KCNQ3: variants seen among roughly 807,000 people sequenced by gnomAD.
The protein encoded by KCNQ3 is potassium voltage-gated channel subfamily Q member 3, also known as potassium voltage-gated channel subfamily KQT member 3.
In KCNQ3, 30 loss-of-function variants were observed where a neutral mutation model predicts 92.5. The observed-to-expected ratio is 0.32, with a 90% confidence interval of 0.24 to 0.44. The LOEUF is 0.44. KCNQ3 is among the 20% of genes least tolerant of loss of function. KCNQ3 has a pLI of 1.00. For missense variants in KCNQ3, 913 were observed against 1,140.3 expected (o/e 0.80, Z 2.87); for synonymous variants, 450 against 468.8 (o/e 0.96, Z 0.52).
In KCNQ3 at chr8:132,405,077, G is replaced by T. The variant is rs142826511; in HGVS notation, c.386+75070C>A. On this transcript the variant is annotated intron_variant, in intron 1 of 14. Coordinates refer to ENST00000388996, the MANE Select transcript of KCNQ3 (RefSeq NM_004519.4). The stretch of plus-strand genomic sequence containing the variant: ...TCTGGGCAAAGTGTGAGGGGGTGCA[G>T]GAAGGGGTGAAAGCACAACAGCAGC... Among the ~76,000 whole-genome samples the T allele has an allele frequency of 9.7e-4, 147 of 152,316 alleles. 1 individual carries two copies. Among genetic ancestry groups the T allele is most frequent in the African/African-American group, 3.4e-3 (140 of 41,568 alleles).
intron 1 of KCNQ3, among the ~76,000 whole-genome samples, chr8:132,477,669 T>A (rs1822446432): frequency 1.3e-5 from 2 of 152,208 alleles, no homozygotes; most frequent in Non-Finnish European, 2.9e-5. Context: ...CCACCCCAGT[T>A]CATCCTCAAT....
chr8:132,262,006 G>A (rs996167789), intron 1 of KCNQ3, among the ~76,000 whole-genome samples: 2 of 152,170 alleles, frequency 1.3e-5, no homozygotes, highest in Non-Finnish European at 2.9e-5. Context: ...ATGTCCATAT[G>A]ATGAATTCTT....
intron 1 of KCNQ3, among the ~76,000 whole-genome samples, chr8:132,216,473 TGTCTTTGG>T (rs1200024782): frequency 3.3e-5 from 5 of 152,170 alleles, no homozygotes; most frequent in Non-Finnish European, 5.9e-5. Context: ...TCCCCAGCCC[TGTCTTTGG>T]GCAGAATGGA....
In KCNQ3 at chr8:132,309,934, T is replaced by C. The variant is rs77300278; in HGVS notation, c.387-123753A>G. Among the ~76,000 whole-genome samples, 8 of 152,330 alleles carry C rather than the reference T, an allele frequency of 5.3e-5. No individual in the cohort carries two copies. The South Asian group carries it at 1.7e-3, about 32-fold the overall frequency. ...CATCTTTGCTTTGTTTAGGCATGAC[T>C]TGTACTATTAATTACTTTAGGTATT... On this transcript the variant is annotated intron_variant, in intron 1 of 14. Coordinates refer to ENST00000388996, the MANE Select transcript of KCNQ3 (RefSeq NM_004519.4).
intron 1 of KCNQ3, among the ~76,000 whole-genome samples, chr8:132,221,525 G>C (rs941157325): frequency 1.3e-5 from 2 of 152,160 alleles, no homozygotes; most frequent in African/African-American, 4.8e-5. Flanking sequence ...GTGTGAGATG[G>C]TATCTCATTG....
intron 9 of KCNQ3, among the ~76,000 whole-genome samples, chr8:132,143,886 T>C (rs956563497): frequency 6.6e-6 from 1 of 152,232 alleles, no homozygotes; most frequent in African/African-American, 2.4e-5. Flanking sequence ...TTTACAATAC[T>C]TCTTAATGCT....
intron 1 of KCNQ3, among the ~76,000 whole-genome samples, chr8:132,452,222 G>A (rs1326332682): frequency 1.3e-5 from 2 of 152,088 alleles, no homozygotes; most frequent in African/African-American, 4.8e-5. Context: ...ATGAAACACT[G>A]TTTCCATCGA....
intron 1 of KCNQ3, among the ~76,000 whole-genome samples, chr8:132,364,686 C>CGGATGGAT (rs780404477): frequency 0.021 from 2,421 of 114,588 alleles, 26 homozygotes; most frequent in Non-Finnish European, 0.03. Context: ...GACGGACGGA[C>CGGATGGAT]GGACGGACGG....
chr8:132,406,710 T>A (rs1007735592), intron 1 of KCNQ3, among the ~76,000 whole-genome samples: 1 of 152,034 alleles, frequency 6.6e-6, no homozygotes, highest in African/African-American at 2.4e-5. Context: ...TGAAACACCA[T>A]CAGTTTAATA....
chr8:132,140,746 G>A, intron 10 of KCNQ3: 1 of 300,300 alleles, frequency 3.3e-6, no homozygotes, highest in Non-Finnish European at 6.4e-6. Context: ...ACAGCCTCCA[G>A]AGGGCGCTTT....
chr8:132,144,017 G>A (rs907893098), intron 9 of KCNQ3, among the ~76,000 whole-genome samples: 1 of 152,196 alleles, frequency 6.6e-6, no homozygotes, highest in African/African-American at 2.4e-5. Flanking sequence ...TTCCTGAATT[G>A]AAGTTTCAGT....
chr8:132,144,520 C>G (rs1825394672), intron 9 of KCNQ3, among the ~76,000 whole-genome samples: 1 of 152,184 alleles, frequency 6.6e-6, no homozygotes, highest in Non-Finnish European at 1.5e-5. Flanking sequence ...TCTTCGAAAG[C>G]TAGGGCTCTT....
At chr8:132,235,119 C>A (rs1429766554) in intron 1 of KCNQ3, among the ~76,000 whole-genome samples, 1 of 152,212 alleles carries the variant, frequency 6.6e-6, no homozygotes, top group Admixed American at 6.5e-5. Context: ...CACCATTCTC[C>A]TTAACCCTCT....
chr8:132,282,858 G>T (rs1177203694), intron 1 of KCNQ3, among the ~76,000 whole-genome samples: 1 of 152,192 alleles, frequency 6.6e-6, no homozygotes, highest in African/African-American at 2.4e-5. Context: ...CTGGCCCAAT[G>T]ACCACTAGGG....
At chr8:132,410,932 G>A (rs1356645567) in intron 1 of KCNQ3, among the ~76,000 whole-genome samples, 11 of 152,152 alleles carry the variant, frequency 7.2e-5, no homozygotes, top group African/African-American at 1.9e-4. Context: ...TGACCTCACC[G>A]TACACACAAA....
At chr8:132,187,886 CGGTGGTGGTGGTGGTGATGGTGGT>C (rs1563795920) in intron 1 of KCNQ3, among the ~76,000 whole-genome samples, 1 of 26,624 alleles carries the variant, frequency 3.8e-5, no homozygotes, top group Non-Finnish European at 8.4e-5. Flanking sequence ...GTGATGGTGG[CGGTGGTGGTGGTGGTGATGGTGGT>C]GGTGGTGTTG....
intron 1 of KCNQ3, among the ~76,000 whole-genome samples, chr8:132,192,168 A>C (rs1437826422): frequency 1.3e-5 from 2 of 152,206 alleles, no homozygotes; most frequent in Non-Finnish European, 2.9e-5. Context: ...TCCCATCCGC[A>C]GGGAGCCTGC....
intron 1 of KCNQ3, among the ~76,000 whole-genome samples, chr8:132,357,747 C>T (rs1044764046): frequency 1.3e-5 from 2 of 152,212 alleles, no homozygotes; most frequent in African/African-American, 4.8e-5. Flanking sequence ...TCAAAACCCA[C>T]AGGACTACAA....
chr8:132,352,236 G>A lies in KCNQ3; in HGVS notation c.386+127911C>T, dbSNP rs185916856. On this transcript the variant is annotated intron_variant, in intron 1 of 14. Transcript: ENST00000388996. ...TGCTGTAAGACAGTGGTTCTCACCA[G>A]GGGCGGGGTGTTAGGAGCAGAAATA... Among the ~76,000 whole-genome samples the A allele has an allele frequency of 1.1e-3, 165 of 152,208 alleles. 3 individuals are homozygous for A. Among genetic ancestry groups the A allele is most frequent in the Non-Finnish European group, 1.9e-4 (13 of 68,024 alleles).
Sources: gnomAD v4.1 joint callset for allele counts (sites outside exome capture counted in the v4.1 genomes callset) on GRCh38, gnomAD v4.1.1 for gene constraint, MANE v1.5 for transcripts, NCBI Gene and HGNC (gene_info 2026-07-23, HGNC 2026-07-21) for gene names.